WNK3: variants seen among roughly 807,000 people sequenced by gnomAD.
The protein encoded by WNK3 is serine/threonine-protein kinase WNK3.
Under a neutral mutation model 116.7 loss-of-function variants are expected in WNK3, and 18 were observed. The ratio of observed to expected loss-of-function variants is 0.15; its 90% confidence interval spans 0.11 to 0.23. WNK3 has a LOEUF of 0.23. Among genes scored for constraint, WNK3 ranks in the 10% least tolerant of loss-of-function variants. The pLI is 1.00. For missense variants in WNK3, 993 were observed against 1,323.8 expected, an observed-to-expected ratio of 0.75 and a Z score of 3.88; for synonymous variants, 404 against 469.4, an observed-to-expected ratio of 0.86 and a Z score of 1.80.
intron 10 of WNK3, among the ~76,000 whole-genome samples, chrX:54,271,243 CA>C (rs1310051464): frequency 9.1e-6 from 1 of 110,135 alleles, no homozygotes; most frequent in Non-Finnish European, 1.9e-5. Flanking sequence ...GAAAAGGGAA[CA>C]AAAAAAATCA....
At chrX:54,285,092 G>T (rs1158623387) in intron 10 of WNK3, among the ~76,000 whole-genome samples, 1 of 111,500 alleles carries the variant, frequency 9.0e-6, no homozygotes, top group Non-Finnish European at 1.9e-5. Flanking sequence ...TGAAGGTCTA[G>T]AACAGGCTAA....
At chrX:54,278,386 A>T (rs1475162604) in intron 10 of WNK3, among the ~76,000 whole-genome samples, 10 of 109,451 alleles carry the variant, frequency 9.1e-5, no homozygotes, top group Non-Finnish European at 1.9e-4. Context: ...TTATTCTAAA[A>T]TGTATATGGA....
intron 1 of WNK3, among the ~76,000 whole-genome samples, chrX:54,352,974 G>A (rs1249920206): frequency 1.8e-5 from 2 of 111,753 alleles, no homozygotes; most frequent in Non-Finnish European, 3.8e-5. Context: ...AGACACAAAA[G>A]GTCATATATT....
chrX:54,207,509 CTTTTTTTTT>C (rs782017192), intron 22 of WNK3, among the ~76,000 whole-genome samples: 34 of 84,285 alleles, frequency 4.0e-4, no homozygotes, highest in Non-Finnish European at 6.3e-4. Context: ...GCCCATTTAT[CTTTTTTTTT>C]TTTTTTTTTT....
chrX:54,334,894 T>C (rs782353916), intron 1 of WNK3, among the ~76,000 whole-genome samples: 4 of 111,907 alleles, frequency 3.6e-5, no homozygotes, highest in South Asian at 3.7e-4. Context: ...CTAGCACTTA[T>C]GGAAAAAACT....
upstream of WNK3, chrX:54,358,645 G>A (rs1228573899): frequency 8.9e-6 from 1 of 112,916 alleles, no homozygotes; most frequent in East Asian, 2.8e-4. Context: ...CCGCCCCCCA[G>A]GACCGCAGTG....
chrX:54,222,552 C>G (rs1557146751), intron 22 of WNK3, among the ~76,000 whole-genome samples: 1 of 106,397 alleles, frequency 9.4e-6, no homozygotes, highest in Non-Finnish European at 1.9e-5. Flanking sequence ...GGGTGAGACC[C>G]TGTCTCAAAA....
intron 21 of WNK3, among the ~76,000 whole-genome samples, chrX:54,230,972 T>C (rs2067893609): frequency 8.9e-6 from 1 of 112,649 alleles, no homozygotes; most frequent in African/African-American, 3.2e-5. Flanking sequence ...GACCCATTTC[T>C]TGGCATGAAA....
chrX:54,242,395 T>C (rs1163508992), intron 17 of WNK3, among the ~76,000 whole-genome samples: 1 of 111,741 alleles, frequency 8.9e-6, no homozygotes, highest in East Asian at 2.8e-4. Flanking sequence ...AAAACCCCAA[T>C]GGCCTTTTTC....
At chrX:54,287,906 T>C (rs61038903) in intron 10 of WNK3, among the ~76,000 whole-genome samples, 13,333 of 111,806 alleles carry the variant, frequency 0.12, 1,431 homozygotes, top group African/African-American at 0.35. Context: ...CTTGGCCTTG[T>C]AAATGCTGCT....
In WNK3 at chrX:54,308,083, C is replaced by A; in HGVS notation, c.932-4G>T. The stretch of plus-strand genomic sequence containing the variant: ...GGAGCCATAAACTCAGGAGTTCCTA[C>A]AAAATAACACCACCACCACATTCTT... On this transcript the variant is annotated splice_region_variant and splice_polypyrimidine_tract_variant and intron_variant, in intron 4 of 23. Coordinates refer to ENST00000354646, the Ensembl canonical transcript of WNK3. 1 of 1,177,130 alleles carries A rather than the reference C, an allele frequency of 8.5e-7. No homozygotes were observed. Among genetic ancestry groups the A allele is most frequent in the Admixed American group, 2.4e-5 (1 of 42,527 alleles).
intron 4 of WNK3, 45 bp from the exon 5 acceptor site, chrX:54,308,124 G>A (rs782642058): frequency 1.1e-5 from 12 of 1,049,699 alleles, no homozygotes; most frequent in Admixed American, 8.1e-5. Context: ...AGAGAAAAAC[G>A]TATCCACCAA....
intron 22 of WNK3, among the ~76,000 whole-genome samples, chrX:54,220,340 GC>G (rs1345713195): frequency 1.3e-4 from 14 of 110,657 alleles, no homozygotes; most frequent in Non-Finnish European, 2.3e-4. Context: ...GATCACTTGA[GC>G]TCAGAAGCTG....
chrX:54,358,585 T>C (rs1557179812), upstream of WNK3: 2 of 112,125 alleles, frequency 1.8e-5, no homozygotes, highest in Non-Finnish European at 3.8e-5. Context: ...GATTTACAAA[T>C]ACTGGCCTCC....
At chrX:54,284,380 A>C (rs782251317) in intron 10 of WNK3, among the ~76,000 whole-genome samples, 149 of 111,746 alleles carry the variant, frequency 1.3e-3, no homozygotes, top group African/African-American at 4.4e-3. Context: ...ACTAAAATTA[A>C]AAATGCTGGT....
At chrX:54,249,186 C>A in exon 17 of WNK3, 1 of 1,211,799 alleles carries the variant, frequency 8.3e-7, no homozygotes, top group East Asian at 3.0e-5. Context: ...GAGAAATAAA[C>A]TCTGCATCCA....
chrX:54,206,002 C>T lies in WNK3; in HGVS notation c.4871-3809G>A, dbSNP rs1468519000. 2.7e-5 allele frequency among the ~76,000 whole-genome samples: 3 copies of T among 111,784 alleles called. No individual in the cohort carries two copies. In the Admixed American group the frequency reaches 2.9e-4, roughly 11 times the overall value. On this transcript the variant is annotated intron_variant, in intron 22 of 23. Coordinates refer to ENST00000354646, the Ensembl canonical transcript of WNK3. ...ATTCAGACAGTTTCAGTGATCACTCCACTGCATTATTTCTATCTCTTATCC... is the reference window on the plus strand; with the variant it reads ...ATTCAGACAGTTTCAGTGATCACTCTACTGCATTATTTCTATCTCTTATCC...
chrX:54,266,090 T>C (rs2068307694), intron 10 of WNK3, among the ~76,000 whole-genome samples: 1 of 111,807 alleles, frequency 8.9e-6, no homozygotes. Flanking sequence ...AAGAGTCAAA[T>C]CAAATATACA....
At chrX:54,302,770 T>A (rs1466718411) in intron 5 of WNK3, among the ~76,000 whole-genome samples, 16 of 78,346 alleles carry the variant, frequency 2.0e-4, no homozygotes, top group African/African-American at 6.1e-4. Context: ...TTTTTTTTTT[T>A]TTTTATTTTT....
Sources: gnomAD v4.1 joint callset for allele counts (sites outside exome capture counted in the v4.1 genomes callset) on GRCh38, gnomAD v4.1.1 for gene constraint, MANE v1.5 for transcripts, NCBI Gene and HGNC (gene_info 2026-07-23, HGNC 2026-07-21) for gene names.